The following MSRA variants were observed in gnomAD, a reference collection of about 807,000 sequenced individuals.
MSRA encodes methionine sulfoxide reductase A.
A neutral mutation model predicts 31.3 loss-of-function variants in MSRA; 54 were observed. The ratio of observed to expected loss-of-function variants is 1.73; its 90% CI spans 1.39 to 2.17. The LOEUF (loss-of-function observed/expected upper bound fraction) is 2.17. Among genes scored for constraint, MSRA ranks in the 30% most tolerant of loss-of-function variants. The pLI is 0.00. For missense variants in MSRA, 507 were observed against 300.9 expected, an observed-to-expected ratio of 1.69 and a Z score of -5.07; for synonymous variants, 169 against 116.5, an observed-to-expected ratio of 1.45 and a Z score of -2.90.
rs139599430 is a variant in MSRA, at chr8:10,214,361, C to A, written c.211+6460C>A. Among the ~76,000 whole-genome samples, 827 of 152,182 alleles carry A rather than the reference C, an allele frequency of 5.4e-3. 5 individuals are homozygous for A. Among genetic ancestry groups the A allele is most frequent in the Middle Eastern group, 0.02 (6 of 294 alleles). On this transcript the variant is annotated intron_variant, in intron 2 of 5. Coordinates refer to ENST00000317173, the MANE Select transcript of MSRA (RefSeq NM_012331.5). The stretch of plus-strand genomic sequence containing the variant: ...GTAAGATGAACCAATCACAAGAAAT[C>A]GTTTCCTGTCTGACATGAATGGGAG...
intron 1 of MSRA, among the ~76,000 whole-genome samples, chr8:10,064,185 C>A (rs919209074): frequency 6.6e-6 from 1 of 152,166 alleles, no homozygotes; most frequent in African/African-American, 2.4e-5. Context: ...GCTGCTTTCT[C>A]CTGGATATCC....
intron 2 of MSRA, among the ~76,000 whole-genome samples, chr8:10,228,788 T>C (rs532594228): frequency 6.6e-6 from 1 of 152,332 alleles, no homozygotes; most frequent in East Asian, 1.9e-4. Flanking sequence ...ATCTTCCTTG[T>C]AGGGTTATCA....
chr8:10,351,163 C>T (rs1804115856), intron 5 of MSRA, among the ~76,000 whole-genome samples: 1 of 150,498 alleles, frequency 6.6e-6, no homozygotes, highest in Admixed American at 6.6e-5. Flanking sequence ...TCTCCACGCT[C>T]ATCCATTCGA....
chr8:10,156,629 G>A (rs985039161), intron 1 of MSRA, among the ~76,000 whole-genome samples: 2 of 152,012 alleles, frequency 1.3e-5, no homozygotes, highest in Admixed American at 1.3e-4. Context: ...ATAGAGACAT[G>A]GTGCTAGGAT....
intron 1 of MSRA, among the ~76,000 whole-genome samples, chr8:10,119,644 G>A (rs1329883326): frequency 6.6e-6 from 1 of 152,186 alleles, no homozygotes; most frequent in Non-Finnish European, 1.5e-5. Flanking sequence ...AGCATTGAGT[G>A]ATCAAGTACA....
rs920154811 is a variant in MSRA at position 10,089,068 on chromosome 8, A to G, written c.142+34410A>G. On this transcript the variant is annotated intron_variant, in intron 1 of 5. Transcript: ENST00000317173. ...TGGACAAATGAGAGATCTAATGTAC[A>G]TCATGACTAAAGTTAATAAAATTGT... Among the ~76,000 whole-genome samples, 8 of 152,182 alleles carry G rather than the reference A, an allele frequency of 5.3e-5. No individual in the cohort carries two copies. In the South Asian group the frequency reaches 8.3e-4, roughly 16 times the overall value.
chr8:10,270,554 C>T (rs375340424), intron 3 of MSRA, among the ~76,000 whole-genome samples: 2 of 152,146 alleles, frequency 1.3e-5, no homozygotes, highest in African/African-American at 4.8e-5. Flanking sequence ...CTCATAAGGA[C>T]TGCTAGAGGA....
At chr8:10,228,683 A>T (rs1212236590) in intron 2 of MSRA, among the ~76,000 whole-genome samples, 1 of 152,140 alleles carries the variant, frequency 6.6e-6, no homozygotes, top group Non-Finnish European at 1.5e-5. Flanking sequence ...CTTCATGGGA[A>T]TCCAGAGTCT....
intron 3 of MSRA, among the ~76,000 whole-genome samples, chr8:10,249,512 C>T (rs12549696): frequency 0.25 from 37,661 of 152,008 alleles, 4,919 homozygotes; most frequent in Admixed American, 0.35. Flanking sequence ...TTTTAAGTAA[C>T]CTATAATCTT....
chr8:10,232,327 C>T (rs926333036), intron 2 of MSRA, among the ~76,000 whole-genome samples: 8 of 152,190 alleles, frequency 5.3e-5, no homozygotes, highest in Non-Finnish European at 1.2e-4. Context: ...GTTTGTTATT[C>T]AGTGGTACCC....
At chr8:10,350,869 T>A (rs1804087281) in intron 5 of MSRA, among the ~76,000 whole-genome samples, 1 of 152,198 alleles carries the variant, frequency 6.6e-6, no homozygotes. Context: ...CTCTGCCTAG[T>A]CAGCTGTCAG....
At position 10,281,235 on chromosome 8, in the gene MSRA, C is replaced by G. The variant is rs1020173343; in HGVS notation, c.332-20299C>G. ...AAATCACCAATAAATTATGATAGCT[C>G]TAAACTACTTACTTTAAATTTGTTT... On this transcript the variant is annotated intron_variant, in intron 3 of 5. Coordinates refer to ENST00000317173, the MANE Select transcript of MSRA (RefSeq NM_012331.5). 7.9e-5 allele frequency among the ~76,000 whole-genome samples: 12 copies of G among 152,300 alleles called. No homozygotes were observed. The South Asian group carries it at 1.0e-3, about 13-fold the overall frequency.
At chr8:10,096,610 C>T (rs1023999115) in intron 1 of MSRA, among the ~76,000 whole-genome samples, 3 of 152,158 alleles carry the variant, frequency 2.0e-5, no homozygotes, top group Admixed American at 6.5e-5. Context: ...TAGCCTGGCT[C>T]TCTCAAAATG....
intron 1 of MSRA, among the ~76,000 whole-genome samples, chr8:10,111,395 G>T (rs1185511974): frequency 6.6e-6 from 1 of 152,090 alleles, no homozygotes; most frequent in African/African-American, 2.4e-5. Flanking sequence ...ACTTATTCTT[G>T]TCTTGTTTGT....
At chr8:10,117,617 A>G (rs1270163729) in intron 1 of MSRA, among the ~76,000 whole-genome samples, 1 of 152,230 alleles carries the variant, frequency 6.6e-6, no homozygotes, top group Admixed American at 6.5e-5. Context: ...ATAGATATAG[A>G]TAGTCTGTAA....
At chr8:10,151,575 G>A (rs962517286) in intron 1 of MSRA, among the ~76,000 whole-genome samples, 15 of 152,178 alleles carry the variant, frequency 9.9e-5, no homozygotes, top group Non-Finnish European at 2.2e-4. Context: ...GTGTGAACCC[G>A]GGAGGCGGAG....
intron 5 of MSRA, among the ~76,000 whole-genome samples, chr8:10,406,118 C>T (rs1228783200): frequency 1.3e-5 from 2 of 152,214 alleles, no homozygotes; most frequent in African/African-American, 2.4e-5. Flanking sequence ...AGGGGAGAAG[C>T]GTGACTCTCC....
At chr8:10,136,508 G>A (rs1802289346) in intron 1 of MSRA, among the ~76,000 whole-genome samples, 1 of 152,176 alleles carries the variant, frequency 6.6e-6, no homozygotes, top group Non-Finnish European at 1.5e-5. Context: ...GTAGCCGTAT[G>A]GAATCATATG....
intron 3 of MSRA, among the ~76,000 whole-genome samples, chr8:10,264,454 T>A (rs1045949802): frequency 1.3e-5 from 2 of 152,258 alleles, no homozygotes; most frequent in Non-Finnish European, 2.9e-5. Flanking sequence ...TTTCAAAATT[T>A]TCTCTTTTTG....
Sources: allele counts gnomAD v4.1 joint callset (sites outside exome capture counted in the v4.1 genomes callset), GRCh38; gene constraint gnomAD v4.1.1; transcripts MANE v1.5; gene names NCBI Gene and HGNC (gene_info 2026-07-23, HGNC 2026-07-21).